XCR1: variants seen among roughly 807,000 people sequenced by gnomAD.
XCR1 encodes X-C motif chemokine receptor 1.
For synonymous variants in XCR1, 187 were observed against 188.5 expected, an observed-to-expected ratio of 0.99 and a Z score of 0.06; for missense variants, 356 against 424.2, an observed-to-expected ratio of 0.84 and a Z score of 1.41.
chr3:46,051,197 A>G (rs1401701363), intron 5 of XCR1, among the ~76,000 whole-genome samples: 1 of 150,996 alleles, frequency 6.6e-6, no homozygotes, highest in East Asian at 1.9e-4. Context: ...TCTTGTAGAA[A>G]CCTCCCCAAA....
At chr3:46,062,317 C>T (rs982440335) in intron 4 of XCR1, among the ~76,000 whole-genome samples, 2 of 152,168 alleles carry the variant, frequency 1.3e-5, no homozygotes, top group East Asian at 1.9e-4. Flanking sequence ...CAGCTACTTC[C>T]ACCATGAACA....
At chr3:46,022,950 TAAAG>T (rs1708187199) in intron 1 of XCR1, among the ~76,000 whole-genome samples, 1 of 152,038 alleles carries the variant, frequency 6.6e-6, no homozygotes, top group South Asian at 2.1e-4. Flanking sequence ...CCCAAGGAAA[TAAAG>T]GAAACTATAT....
intron 4 of XCR1, among the ~76,000 whole-genome samples, chr3:46,064,113 T>A (rs1435091736): frequency 6.6e-6 from 1 of 152,188 alleles, no homozygotes; most frequent in Non-Finnish European, 1.5e-5. Context: ...CCTCAAGTGA[T>A]CCTCCCACCT....
chr3:46,053,621 T>TC (rs111293891), intron 5 of XCR1, among the ~76,000 whole-genome samples: 31,073 of 151,708 alleles, frequency 0.2, 3,263 homozygotes, highest in Middle Eastern at 0.34. Context: ...AACTGAAGAA[T>TC]AACTTTAAAA....
At chr3:46,070,088 A>G (rs1338216798) in intron 3 of XCR1, among the ~76,000 whole-genome samples, 1 of 152,018 alleles carries the variant, frequency 6.6e-6, no homozygotes, top group Non-Finnish European at 1.5e-5. Context: ...ATGTATTTTT[A>G]TAGTTTCCAG....
chr3:46,061,294 T>G (rs2173641), intron 4 of XCR1, among the ~76,000 whole-genome samples: 107,326 of 152,014 alleles, frequency 0.71, 38,732 homozygotes, highest in East Asian at 0.94. Flanking sequence ...GATCTTTGCT[T>G]CTGGCCAACT....
chr3:46,060,220 C>T (rs1217627155), intron 4 of XCR1, among the ~76,000 whole-genome samples: 4 of 152,136 alleles, frequency 2.6e-5, no homozygotes, highest in African/African-American at 9.7e-5. Flanking sequence ...TGACTTATTC[C>T]TTTTGCCCTC....
chr3:46,024,145 A>G, intron 1 of XCR1: 1 of 636,376 alleles, frequency 1.6e-6, no homozygotes, highest in Admixed American at 2.5e-5. Flanking sequence ...GAAAGGATTT[A>G]TGAATAATTA....
upstream of XCR1, among the ~76,000 whole-genome samples, chr3:46,029,247 C>A (rs2888511): frequency 0.83 from 126,580 of 152,230 alleles, 53,363 homozygotes; most frequent in East Asian, 0.99. Flanking sequence ...TCTGTTGCCC[C>A]GTCTGGAGTG....
rs1163724318 is a variant in XCR1 at position 46,021,611 on chromosome 3, G to C, written c.337C>G (p.Leu113Val). 5 of 1,613,368 alleles carry C rather than the reference G, an allele frequency of 3.1e-6. No homozygotes were observed. Residue 113 changes from leucine (L) to valine (V), a missense_variant, in exon 2 of 2, where the codon CTC becomes GTC. Coordinates refer to ENST00000309285, the MANE Select transcript of XCR1 (RefSeq NM_001024644.2). The surrounding 1 kb of genome is among the most constrained non-coding windows in gnomAD (Gnocchi z 4.7). ...KLLNMIFSISLYSSIFFLTIM... is the reference protein window; with the variant it reads ...KLLNMIFSISVYSSIFFLTIM... The stretch of plus-strand genomic sequence containing the variant: ...GTCAGGAAGAAGATGCTGCTGTAGA[G>C]GCTGATGGAGAAGATCATATTGAGG...
intron 5 of XCR1, among the ~76,000 whole-genome samples, chr3:46,044,242 C>A (rs1036310391): frequency 6.6e-6 from 1 of 152,190 alleles, no homozygotes; most frequent in Non-Finnish European, 1.5e-5. Flanking sequence ...TCTCTTTGGC[C>A]TCCCAAAGTG....
At chr3:46,028,938 T>C (rs1708352254), upstream of XCR1, among the ~76,000 whole-genome samples, 1 of 152,200 alleles carries the variant, frequency 6.6e-6, no homozygotes, top group South Asian at 2.1e-4. Flanking sequence ...TTTCTTTTGT[T>C]GCTTGTGATT....
intron 5 of XCR1, among the ~76,000 whole-genome samples, chr3:46,036,216 G>C (rs1408832719): frequency 6.6e-6 from 1 of 152,212 alleles, no homozygotes; most frequent in Non-Finnish European, 1.5e-5. Context: ...GTTGGGCCTG[G>C]TTAATAGGTT....
intron 4 of XCR1, among the ~76,000 whole-genome samples, chr3:46,060,498 C>T (rs1407789349): frequency 2.6e-5 from 4 of 152,160 alleles, no homozygotes; most frequent in Non-Finnish European, 4.4e-5. Context: ...CCCTTATTTG[C>T]CTGTTAATTC....
At chr3:46,053,576 AGAAGTACAGTAC>A (rs887356006) in intron 5 of XCR1, among the ~76,000 whole-genome samples, 2 of 152,182 alleles carry the variant, frequency 1.3e-5, no homozygotes, top group Non-Finnish European at 2.9e-5. Context: ...AGATAATGGC[AGAAGTACAGTAC>A]GAACTAAACT....
intron 3 of XCR1, among the ~76,000 whole-genome samples, chr3:46,074,102 A>G (rs1287024044): frequency 6.6e-6 from 1 of 152,096 alleles, no homozygotes; most frequent in Non-Finnish European, 1.5e-5. Flanking sequence ...GAAAATAGTT[A>G]TATCAGAGAT....
At chr3:46,042,064 A>G (rs1321638511) in intron 5 of XCR1, among the ~76,000 whole-genome samples, 3 of 152,222 alleles carry the variant, frequency 2.0e-5, no homozygotes, top group Non-Finnish European at 2.9e-5. Flanking sequence ...GTGTTTCAGT[A>G]ACACAACTAT....
At chr3:46,030,282 A>T (rs1039405321), upstream of XCR1, among the ~76,000 whole-genome samples, 1 of 152,192 alleles carries the variant, frequency 6.6e-6, no homozygotes, top group African/African-American at 2.4e-5. Flanking sequence ...CACTACAAGT[A>T]TGATGTTAAT....
intron 5 of XCR1, among the ~76,000 whole-genome samples, chr3:46,033,932 G>GGTCTTGTTTTCAATTTCAAA (rs1697366158): frequency 6.6e-6 from 1 of 151,534 alleles, no homozygotes; most frequent in Non-Finnish European, 1.5e-5. Context: ...TAATGTAAAT[G>GGTCTTGTTTTCAATTTCAAA]GTCTTGTTTT....
Sources: gnomAD v4.1 joint callset for allele counts (sites outside exome capture counted in the v4.1 genomes callset) on GRCh38, gnomAD v4.1.1 for gene constraint, Gnocchi (gnomAD v3.1) non-coding constraint, MANE v1.5 for transcripts, NCBI Gene and HGNC (gene_info 2026-07-23, HGNC 2026-07-21) for gene names.